Variants in PPP6R2 observed in about 807,000 individuals in gnomAD.
PPP6R2 encodes protein phosphatase 6 regulatory subunit 2.
A neutral mutation model predicts 100.2 loss-of-function variants in PPP6R2; 62 were observed. That is an observed-to-expected ratio of 0.62 (90% confidence interval 0.50 to 0.76). The LOEUF (loss-of-function observed/expected upper bound fraction) is 0.76, where lower values mean the gene tolerates loss of function less well. Ranked by LOEUF, PPP6R2 falls within the 30% of genes least tolerant of loss-of-function variation. The pLI, the probability that PPP6R2 is intolerant of heterozygous loss-of-function variation, is 0.00. For missense variants in PPP6R2, 1,142 were observed against 1,276.3 expected (o/e 0.89, Z 1.60); for synonymous variants, 525 against 514.7 (o/e 1.02, Z -0.27).
chr22:50,342,154 T>G (rs1000527183), upstream of PPP6R2, among the ~76,000 whole-genome samples: 1 of 152,040 alleles, frequency 6.6e-6, no homozygotes, highest in African/African-American at 2.4e-5. Context: ...GTAGCTCAAC[T>G]CAGCAGCACC....
chr22:50,438,815 T>C (rs45581534), intron 19 of PPP6R2, 53 bp downstream of exon 19: 24,424 of 1,502,612 alleles, frequency 0.016, 297 homozygotes, highest in East Asian at 0.06. Flanking sequence ...CAGGACATGG[T>C]ACCCCGGCCT....
chr22:50,366,418 C>T (rs28710108), intron 1 of PPP6R2, among the ~76,000 whole-genome samples: 3,790 of 151,854 alleles, frequency 0.025, 145 homozygotes, highest in African/African-American at 0.088. Flanking sequence ...GTTCTCCTTC[C>T]TCAGCCTCCC....
upstream of PPP6R2, among the ~76,000 whole-genome samples, chr22:50,340,709 A>C (rs917740799): frequency 6.6e-6 from 1 of 151,750 alleles, no homozygotes; most frequent in African/African-American, 2.4e-5. Flanking sequence ...AAGCACAGCA[A>C]TGACCAAGGA....
At chr22:50,422,050 C>T (rs2061410342) in intron 8 of PPP6R2, among the ~76,000 whole-genome samples, 1 of 152,072 alleles carries the variant, frequency 6.6e-6, no homozygotes, top group Admixed American at 6.6e-5. Context: ...CAAGCATCTG[C>T]CTGAAGGTCT....
intron 2 of PPP6R2, among the ~76,000 whole-genome samples, chr22:50,376,034 T>C (rs2051472096): frequency 6.6e-6 from 1 of 151,836 alleles, no homozygotes; most frequent in Admixed American, 6.6e-5. Flanking sequence ...GGTTTCACTG[T>C]GTTGGCCAGG....
At chr22:50,382,371 G>A (rs1187190085) in intron 2 of PPP6R2, among the ~76,000 whole-genome samples, 6 of 151,994 alleles carry the variant, frequency 3.9e-5, no homozygotes, top group African/African-American at 1.4e-4. Flanking sequence ...GGCTAAGGCG[G>A]GCGGATCACA....
chr22:50,426,072 C>T (rs980690122), intron 10 of PPP6R2, among the ~76,000 whole-genome samples: 1 of 152,158 alleles, frequency 6.6e-6, no homozygotes, highest in African/African-American at 2.4e-5. Flanking sequence ...CCCACCTCAG[C>T]CTCCTGAGTA....
rs77595504 is a variant in PPP6R2, at chr22:50,395,595, C to G, written c.227+1460C>G. Among the ~76,000 whole-genome samples, 8 of 152,304 alleles carry G rather than the reference C, an allele frequency of 5.3e-5. No homozygotes were observed. The East Asian group carries it at 1.4e-3, about 26-fold the overall frequency. On this transcript the variant is annotated intron_variant, in intron 3 of 23. Coordinates refer to ENST00000612753, the MANE Select transcript of PPP6R2 (RefSeq NM_001242898.2). The stretch of plus-strand genomic sequence containing the variant: ...TAGTTTTTTGAGACAAGGTCTCACT[C>G]CATCGCCCAGGCTGGGGTGCAGTGG...
At chr22:50,430,229 T>C (rs2062881918) in intron 10 of PPP6R2, among the ~76,000 whole-genome samples, 1 of 152,214 alleles carries the variant, frequency 6.6e-6, no homozygotes, top group Admixed American at 6.5e-5. Context: ...AGTATCTAGG[T>C]GGCCAGAACC....
At chr22:50,430,686 C>T (rs944586458) in intron 10 of PPP6R2, among the ~76,000 whole-genome samples, 2 of 152,126 alleles carry the variant, frequency 1.3e-5, no homozygotes, top group Non-Finnish European at 2.9e-5. Context: ...CCAGCCTGAC[C>T]AACATGGCAA....
At chr22:50,361,778 G>C (rs1031776185) in intron 1 of PPP6R2, among the ~76,000 whole-genome samples, 1 of 152,086 alleles carries the variant, frequency 6.6e-6, no homozygotes, top group African/African-American at 2.4e-5. Flanking sequence ...ATATAGCATA[G>C]GTGCGCTGTC....
rs1044874821 is a variant in PPP6R2 at position 50,414,834 on chromosome 22, C to G, written c.552+145C>G. The stretch of plus-strand genomic sequence containing the variant: ...TTTCTCCGTGGGGCTGTTAGGGGTT[C>G]TTGTCAAGGATTGTGGCCTGTACCT... On this transcript the variant is annotated intron_variant, in intron 5 of 23. Coordinates refer to ENST00000612753, the MANE Select transcript of PPP6R2 (RefSeq NM_001242898.2). 11 of 935,826 alleles carry G rather than the reference C, an allele frequency of 1.2e-5. No homozygotes were observed. The African/African-American group carries it at 1.5e-4, about 13-fold the overall frequency. 58.0% of individuals were successfully genotyped at this position (935,826 alleles called of 1,614,324 possible).
At chr22:50,349,279 C>G (rs532445301) in intron 1 of PPP6R2, among the ~76,000 whole-genome samples, 11 of 149,840 alleles carry the variant, frequency 7.3e-5, no homozygotes, top group African/African-American at 2.7e-4. Context: ...GGCAGGATCA[C>G]CTGAGCCTGG....
rs1373602717 is a variant in PPP6R2 at position 50,397,884 on chromosome 22, G to A, written c.227+3749G>A. 5.9e-5 allele frequency among the ~76,000 whole-genome samples: 7 copies of A among 118,782 alleles called. No homozygotes were observed. The South Asian group carries it at 8.5e-4, about 14-fold the overall frequency. 77.9% of individuals were successfully genotyped at this position (118,782 alleles called of 152,430 possible). A position where few individuals can be genotyped will look rare whatever the true frequency, so the allele number is the denominator to read the frequency against. ...ATCTCTGAGCTTTTCTCTGAGGAGT[G>A]TGACTTGGGATGGGGGCGGGGGGGC... is the stretch of plus-strand genomic sequence containing the variant. On this transcript the variant is annotated intron_variant, in intron 3 of 23. Transcript: ENST00000612753.
the PPP6R2 span, among the ~76,000 whole-genome samples, chr22:50,334,537 C>T: frequency 1.3e-5 from 2 of 152,058 alleles, no homozygotes; most frequent in Non-Finnish European, 2.9e-5. Flanking sequence ...GTATATGTTT[C>T]CTTTATTATA....
Position 50,356,933 on chromosome 22 carries a change from CA to C in PPP6R2, c.-148+13393del, listed in dbSNP as rs111457849. Among the ~76,000 whole-genome samples, 837 of 142,412 alleles carry C rather than the reference CA, an allele frequency of 5.9e-3. 7 individuals carry two copies. The highest frequency in any genetic ancestry group is 8.1e-3 in the Non-Finnish European group (522 of 64,544). 93.4% of individuals were successfully genotyped at this position (142,412 alleles called of 152,430 possible). ...TGGGCGACAGAGGGAGACTCTGTCT[CA>C]AAAAAAAAACAAAAAAGCAAAAACA... On this transcript the variant is annotated intron_variant, in intron 1 of 23. Coordinates refer to ENST00000612753, the MANE Select transcript of PPP6R2 (RefSeq NM_001242898.2).
chr22:50,438,114 A>G lies in PPP6R2; in HGVS notation c.1840-60A>G. 3.2e-6 allele frequency: 5 copies of G among 1,567,268 alleles called. No individual in the cohort carries two copies. The South Asian group carries it at 3.6e-5, about 11-fold the overall frequency. On this transcript the variant is annotated intron_variant, in intron 17 of 23. Transcript: ENST00000612753. Reference sequence around the variant, plus strand: ...AAGCCCCTCTGGGAGCTCTATGGGGAGAGCGGCTCCTGTCTCCCCCAGACC... The same window carrying G: ...AAGCCCCTCTGGGAGCTCTATGGGGGGAGCGGCTCCTGTCTCCCCCAGACC...
At chr22:50,338,781 G>A (rs2042333364), upstream of PPP6R2, among the ~76,000 whole-genome samples, 1 of 132,708 alleles carries the variant, frequency 7.5e-6, no homozygotes, top group Admixed American at 7.7e-5. Context: ...GTGGTATGTG[G>A]TGTGTGTGGT....
At chr22:50,331,295 G>A in the PPP6R2 span, among the ~76,000 whole-genome samples, 1 of 151,950 alleles carries the variant, frequency 6.6e-6, no homozygotes, top group East Asian at 1.9e-4. Context: ...GTGGACACAC[G>A]TTTCCATTTT....
Sources: allele counts gnomAD v4.1 joint callset (sites outside exome capture counted in the v4.1 genomes callset), GRCh38; gene constraint gnomAD v4.1.1; transcripts MANE v1.5; gene names NCBI Gene and HGNC (gene_info 2026-07-23, HGNC 2026-07-21).